The following MBNL1 variants were observed in gnomAD, a reference collection of about 807,000 sequenced individuals.
MBNL1 encodes muscleblind-like protein 1.
In MBNL1, 8 loss-of-function variants were observed where a neutral mutation model predicts 42.2. The ratio of observed to expected loss-of-function variants is 0.19; its 90% confidence interval spans 0.11 to 0.34. MBNL1 has a LOEUF of 0.34. Ranked by LOEUF, MBNL1 falls within the 10% of genes least tolerant of loss-of-function variation. The pLI is 1.00. For missense variants in MBNL1, 309 were observed against 495.3 expected (o/e 0.62, Z 3.57); for synonymous variants, 169 against 173.9 (o/e 0.97, Z 0.22).
exon 2 of MBNL1, chr3:152,244,388 G>A (rs1278196695): frequency 6.6e-6 from 1 of 151,964 alleles, no homozygotes; most frequent in Non-Finnish European, 1.5e-5. Context: ...AGTGCTGGTA[G>A]TTTGTCTCAA....
At chr3:152,300,600 C>G (rs922701086) in intron 2 of MBNL1, among the ~76,000 whole-genome samples, 8 of 151,848 alleles carry the variant, frequency 5.3e-5, no homozygotes, top group African/African-American at 1.9e-4. Context: ...TTTGCTAGGG[C>G]AGAAAGTGTT....
intron 2 of MBNL1, among the ~76,000 whole-genome samples, chr3:152,376,827 CAT>C (rs985220831): frequency 3.3e-5 from 5 of 152,184 alleles, no homozygotes; most frequent in African/African-American, 4.8e-5. Flanking sequence ...TACACACACA[CAT>C]ACATATATAT....
intron 1 of MBNL1, among the ~76,000 whole-genome samples, chr3:152,272,071 T>C (rs1279772441): frequency 2.3e-5 from 3 of 130,826 alleles, no homozygotes; most frequent in Admixed American, 7.6e-5. Flanking sequence ...CTCTCTCTCT[T>C]TCATGGTGTC....
At position 152,287,906 on chromosome 3, in the gene MBNL1, AAAT is replaced by A. The variant is rs530255755; in HGVS notation, c.-789-11495_-789-11493del. 4.8e-3 allele frequency among the ~76,000 whole-genome samples: 733 copies of A among 152,350 alleles called. 4 individuals are homozygous for A. Among genetic ancestry groups the A allele is most frequent in the Admixed American group, 0.013 (197 of 15,296 alleles). ...ATGCACAGAACCTTATGTGCAATTA[AAAT>A]AATTAAGAAAAAGATATTGTTTTCT... is the stretch of plus-strand genomic sequence containing the variant. On this transcript the variant is annotated intron_variant, in intron 1 of 9. Transcript: ENST00000324210.
chr3:152,303,284 G>T (rs1394356564), intron 2 of MBNL1, among the ~76,000 whole-genome samples: 1 of 152,130 alleles, frequency 6.6e-6, no homozygotes, highest in Non-Finnish European at 1.5e-5. Flanking sequence ...GAATTAGAAC[G>T]AGAACAGTAA....
chr3:152,308,368 A>AG (rs974002938), intron 2 of MBNL1, among the ~76,000 whole-genome samples: 3 of 152,170 alleles, frequency 2.0e-5, no homozygotes, highest in Admixed American at 6.5e-5. Flanking sequence ...TGCCTAGTGC[A>AG]GGGGAGGTGG....
At chr3:152,337,427 C>T (rs1463946012) in intron 2 of MBNL1, among the ~76,000 whole-genome samples, 1 of 152,048 alleles carries the variant, frequency 6.6e-6, no homozygotes, top group Non-Finnish European at 1.5e-5. Context: ...CGAGAACAGC[C>T]TGGCCAGCAT....
At chr3:152,390,061 G>A (rs993491488) in intron 2 of MBNL1, among the ~76,000 whole-genome samples, 1 of 151,272 alleles carries the variant, frequency 6.6e-6, no homozygotes, top group African/African-American at 2.4e-5. Flanking sequence ...GTAGAGACGG[G>A]GTTTCACCAT....
chr3:152,415,192 G>T, intron 3 of MBNL1, 81 bp downstream of exon 3: 2 of 1,302,182 alleles, frequency 1.5e-6, no homozygotes, highest in South Asian at 1.8e-5. Flanking sequence ...TATTGCACCG[G>T]ATCAAATGAA....
intron 2 of MBNL1, among the ~76,000 whole-genome samples, chr3:152,345,057 CGTT>C (rs1451132390): frequency 6.6e-6 from 1 of 151,860 alleles, no homozygotes; most frequent in Non-Finnish European, 1.5e-5. Context: ...GGCATGAAAA[CGTT>C]GTTTTACTTC....
chr3:152,327,581 T>G (rs374996792), intron 2 of MBNL1, among the ~76,000 whole-genome samples: 3 of 152,144 alleles, frequency 2.0e-5, no homozygotes, highest in African/African-American at 7.2e-5. Flanking sequence ...ACTCCTGGCC[T>G]CAAGTGATCT....
At chr3:152,441,799 T>G (rs1560609028) in intron 4 of MBNL1, among the ~76,000 whole-genome samples, 1 of 152,188 alleles carries the variant, frequency 6.6e-6, no homozygotes. Context: ...CAAACAATAT[T>G]TTTTTTCTTT....
chr3:152,256,773 G>GA (rs942571818), intron 2 of MBNL1, among the ~76,000 whole-genome samples: 2 of 151,914 alleles, frequency 1.3e-5, no homozygotes, highest in East Asian at 1.9e-4. Flanking sequence ...AGGAATGATG[G>GA]AAAAAATGGC....
chr3:152,456,392 AAAC>A (rs748628571), intron 8 of MBNL1, 31 bp downstream of exon 8: 2 of 1,569,130 alleles, frequency 1.3e-6, no homozygotes, highest in South Asian at 1.1e-5. Context: ...GTTTCTTAAA[AAAC>A]AACTCTAATA....
chr3:152,260,324 C>A (rs2036043621), intron 2 of MBNL1, among the ~76,000 whole-genome samples: 2 of 152,176 alleles, frequency 1.3e-5, no homozygotes, highest in South Asian at 4.1e-4. Context: ...GCATTCAGAT[C>A]CATCCAGGTG....
chr3:152,306,182 T>C (rs1009926317), intron 2 of MBNL1, among the ~76,000 whole-genome samples: 1 of 152,206 alleles, frequency 6.6e-6, no homozygotes, highest in African/African-American at 2.4e-5. Flanking sequence ...AAATATGTCT[T>C]TCCATAGTCA....
At chr3:152,305,947 T>G (rs557475339) in intron 2 of MBNL1, among the ~76,000 whole-genome samples, 2 of 152,362 alleles carry the variant, frequency 1.3e-5, no homozygotes, top group African/African-American at 4.8e-5. Flanking sequence ...TTGATTTTTT[T>G]GCTAGCGATA....
chr3:152,289,777 G>A (rs895454623), intron 1 of MBNL1, among the ~76,000 whole-genome samples: 2 of 152,078 alleles, frequency 1.3e-5, no homozygotes, highest in Non-Finnish European at 2.9e-5. Flanking sequence ...AAAGTGTGTA[G>A]CACCTATGTG....
At chr3:152,314,849 G>T (rs1202314406) in intron 2 of MBNL1, among the ~76,000 whole-genome samples, 1 of 152,120 alleles carries the variant, frequency 6.6e-6, no homozygotes, top group African/African-American at 2.4e-5. Context: ...TAGTCCTATG[G>T]CCAGTTCTGG....
Sources: allele counts gnomAD v4.1 joint callset (sites outside exome capture counted in the v4.1 genomes callset), GRCh38; gene constraint gnomAD v4.1.1; transcripts MANE v1.5; gene names NCBI Gene and HGNC (gene_info 2026-07-23, HGNC 2026-07-21).